Variants in EML2 observed in about 807,000 individuals in gnomAD.
EML2 encodes EMAP like 2.
A neutral mutation model predicts 84.7 loss-of-function variants in EML2; 59 were observed. The ratio of observed to expected loss-of-function variants is 0.70; its 90% CI spans 0.56 to 0.86. The LOEUF (loss-of-function observed/expected upper bound fraction) is 0.86. EML2 is among the 40% of genes least tolerant of loss of function. The probability of loss-of-function intolerance (pLI) is 0.00; values close to 1 mark genes in which losing one functional copy is unlikely to be tolerated. For missense variants in EML2, 818 were observed against 855.6 expected, an observed-to-expected ratio of 0.96 and a Z score of 0.55; for synonymous variants, 352 against 348.9, an observed-to-expected ratio of 1.01 and a Z score of -0.10.
chr19:45,628,413 C>G (rs1449212951), intron 7 of EML2, among the ~76,000 whole-genome samples: 1 of 151,782 alleles, frequency 6.6e-6, no homozygotes, highest in Non-Finnish European at 1.5e-5. Context: ...AAACCATTTG[C>G]CTAAGGCCAC....
intron 4 of EML2, 147 bp downstream of exon 4, chr19:45,634,175 C>T: frequency 1.1e-6 from 1 of 901,384 alleles, no homozygotes; most frequent in African/African-American, 1.7e-5. Context: ...AGCCTGAGGG[C>T]AGCTGGTGGC....
rs1600186391 is a variant in EML2, at chr19:45,632,791, T to A, written c.510+70A>T. The A allele has an allele frequency of 7.4e-6, 10 of 1,351,894 alleles. No individual in the cohort carries two copies. The South Asian group carries it at 1.1e-4, about 15-fold the overall frequency. 83.7% of individuals were successfully genotyped at this position (1,351,894 alleles called of 1,614,324 possible). ...CCCGGCCCTCAACCCAAGGGGCGGG[T>A]GAAAAGGTGCGGGCACTTGCCCTCC... On this transcript the variant is annotated intron_variant, in intron 6 of 18. Coordinates refer to ENST00000245925, the MANE Select transcript of EML2 (RefSeq NM_012155.4).
At chr19:45,623,749 C>T (rs1425260405) in intron 9 of EML2, among the ~76,000 whole-genome samples, 3 of 152,054 alleles carry the variant, frequency 2.0e-5, no homozygotes, top group Admixed American at 2.0e-4. Context: ...TGGGGTTTTG[C>T]TATGTTGGCC....
chr19:45,609,595 C>A lies in EML2; in HGVS notation c.*68G>T. 1 of 1,494,250 alleles carries A rather than the reference C, an allele frequency of 6.7e-7. No homozygotes were observed. The allele number at this position is 1,494,250 out of a possible 1,614,324, so 92.6% of individuals were successfully genotyped here. A position where few individuals can be genotyped will look rare whatever the true frequency, so the allele number is the denominator to read the frequency against. On this transcript the variant is annotated 3_prime_UTR_variant, in exon 19 of 19. Coordinates refer to ENST00000245925, the MANE Select transcript of EML2 (RefSeq NM_012155.4). Reference sequence around the variant, plus strand: ...AGACATACTCTGGGTATATATTACTCTACTCGGCAATAGACATCTCCCGAA... The same window carrying A: ...AGACATACTCTGGGTATATATTACTATACTCGGCAATAGACATCTCCCGAA...
At chr19:45,610,161 G>A (rs930609084) in intron 18 of EML2, among the ~76,000 whole-genome samples, 40 of 152,138 alleles carry the variant, frequency 2.6e-4, no homozygotes, top group Non-Finnish European at 5.6e-4. Flanking sequence ...ACTTTGGGAG[G>A]CCGAGGCAGG....
At chr19:45,627,546 C>T (rs546240432) in intron 7 of EML2, among the ~76,000 whole-genome samples, 2 of 152,266 alleles carry the variant, frequency 1.3e-5, no homozygotes, top group Admixed American at 6.5e-5. Flanking sequence ...TGAGCCACCA[C>T]GCCTGGCCAG....
Position 45,616,609 on chromosome 19 carries a change from C to A in EML2, c.1412-51G>T, listed in dbSNP as rs2241722. ...AGGAGGCACCCAGGCTCCATCCCCT[C>A]CTCGCCCAGACTCAGCCCCCTCAAC... On this transcript the variant is annotated intron_variant, in intron 14 of 18. Transcript: ENST00000245925. The A allele has an allele frequency of 0.31, 465,369 of 1,489,272 alleles. 75,245 individuals carry two copies. Among genetic ancestry groups the A allele is most frequent in the East Asian group, 0.41 (17,774 of 43,770 alleles). 92.3% of individuals were successfully genotyped at this position (1,489,272 alleles called of 1,614,324 possible). A position where few individuals can be genotyped will look rare whatever the true frequency, so the allele number is the denominator to read the frequency against.
intron 11 of EML2, 140 bp from the exon 12 acceptor site, chr19:45,619,331 G>A: frequency 2.7e-6 from 3 of 1,115,084 alleles, no homozygotes; most frequent in Non-Finnish European, 3.7e-6. Context: ...TTCCCAGTAT[G>A]TCTGAAGGGG....
rs771899982 is a variant in EML2, at chr19:45,626,854, G to A, written c.607-15C>T. 1 of 1,599,490 alleles carries A rather than the reference G, an allele frequency of 6.3e-7. No individual in the cohort carries two copies. Among genetic ancestry groups the A allele is most frequent in the South Asian group, 1.1e-5 (1 of 90,004 alleles). Reference sequence around the variant, plus strand: ...TCATTGGAGCACTTTGGGGGGTGGGGGAGATTCTGAATGAGGACCTCAAAG... The same window carrying A: ...TCATTGGAGCACTTTGGGGGGTGGGAGAGATTCTGAATGAGGACCTCAAAG... On this transcript the variant is annotated splice_polypyrimidine_tract_variant and intron_variant, in intron 7 of 18. Transcript: ENST00000245925.
intron 1 of EML2, 119 bp downstream of exon 1, chr19:45,639,238 G>A: frequency 1.8e-6 from 2 of 1,089,202 alleles, no homozygotes; most frequent in South Asian, 2.0e-5. Context: ...AACGGGGAGA[G>A]TTTAAGGGAA....
At chr19:45,633,374 T>C (rs1416744607) in intron 4 of EML2, among the ~76,000 whole-genome samples, 1 of 151,904 alleles carries the variant, frequency 6.6e-6, no homozygotes, top group East Asian at 1.9e-4. Flanking sequence ...GTACCTCACA[T>C]AGTGGCCAGG....
intron 3 of EML2, among the ~76,000 whole-genome samples, chr19:45,637,805 T>C (rs1973946495): frequency 6.6e-6 from 1 of 151,110 alleles, no homozygotes; most frequent in African/African-American, 2.4e-5. Context: ...GTCTCCCGAG[T>C]AGCTAGGTTT....
chr19:45,635,144 C>T (rs777566373), intron 3 of EML2, among the ~76,000 whole-genome samples: 12 of 151,894 alleles, frequency 7.9e-5, no homozygotes, highest in South Asian at 2.1e-4. Context: ...CCACCACGCG[C>T]GGCCTGTTTT....
At chr19:45,623,252 G>T (rs892289773) in intron 9 of EML2, among the ~76,000 whole-genome samples, 13 of 152,088 alleles carry the variant, frequency 8.5e-5, no homozygotes, top group African/African-American at 3.1e-4. Flanking sequence ...CCAGCTACTT[G>T]GGAGGCTGAG....
chr19:45,639,404 G>A (rs1467272019), upstream of EML2: 1 of 1,255,728 alleles, frequency 8.0e-7, no homozygotes, highest in Non-Finnish European at 1.0e-6. Flanking sequence ...CTTCGGGGCC[G>A]GGGGTGGAGC....
upstream of EML2, chr19:45,642,172 T>C: frequency 1.3e-6 from 2 of 1,528,758 alleles, no homozygotes; most frequent in South Asian, 1.2e-5. Context: ...CGCCCGGCCC[T>C]TGGGGGTGCC....
upstream of EML2, chr19:45,639,457 C>T (rs1204114895): frequency 2.4e-6 from 3 of 1,225,970 alleles, no homozygotes; most frequent in Non-Finnish European, 3.1e-6. Context: ...GGCGCCCGGG[C>T]CGCCGCGCCC....
chr19:45,645,363 C>A (rs1217890438), upstream of EML2: 57 of 1,520,134 alleles, frequency 3.7e-5, no homozygotes, highest in Non-Finnish European at 4.9e-5. Context: ...CCACCGCCGG[C>A]CCCCCCGGTC....
At chr19:45,612,296 C>T (rs551920054) in intron 18 of EML2, among the ~76,000 whole-genome samples, 4 of 152,034 alleles carry the variant, frequency 2.6e-5, no homozygotes, top group Non-Finnish European at 5.9e-5. Flanking sequence ...AACTCCTGAC[C>T]TCAGGTGATC....
Sources: gnomAD v4.1 joint callset for allele counts (sites outside exome capture counted in the v4.1 genomes callset) on GRCh38, gnomAD v4.1.1 for gene constraint, MANE v1.5 for transcripts, NCBI Gene and HGNC (gene_info 2026-07-23, HGNC 2026-07-21) for gene names.